Variants in ZNF469 observed in about 807,000 individuals in gnomAD.
ZNF469 encodes the protein zinc finger protein 469.
In ZNF469, 1 loss-of-function variant was observed where a neutral mutation model predicts 1.0. The observed-to-expected ratio is 1.00, with a 90% CI of 0.35 to 4.73. The LOEUF (loss-of-function observed/expected upper bound fraction) is 4.73. Among genes scored for constraint, ZNF469 ranks in the 30% most tolerant of loss-of-function variants. ZNF469 has a pLI of 0.16. For synonymous variants in ZNF469, 2,703 were observed against 2,363.4 expected, an observed-to-expected ratio of 1.14 and a Z score of -4.17; for missense variants, 6,100 against 5,356.3, an observed-to-expected ratio of 1.14 and a Z score of -4.33.
At chr16:88,282,102 C>G in the ZNF469 span, among the ~76,000 whole-genome samples, 9 of 152,152 alleles carry the variant, frequency 5.9e-5, no homozygotes, top group Non-Finnish European at 1.2e-4. Flanking sequence ...GTAGGGTAGT[C>G]CATGGCAGAT....
At chr16:88,369,425 C>T in the ZNF469 span, among the ~76,000 whole-genome samples, 1 of 152,230 alleles carries the variant, frequency 6.6e-6, no homozygotes, top group Non-Finnish European at 1.5e-5. Context: ...AGGCTGGGGT[C>T]TGTGTGGCCT....
chr16:88,108,973 C>T, the ZNF469 span, among the ~76,000 whole-genome samples: 1 of 152,206 alleles, frequency 6.6e-6, no homozygotes, highest in Non-Finnish European at 1.5e-5. Context: ...AGCCAAGTCA[C>T]GCCACATTCA....
At chr16:88,298,790 A>G in the ZNF469 span, among the ~76,000 whole-genome samples, 1 of 152,162 alleles carries the variant, frequency 6.6e-6, no homozygotes, top group African/African-American at 2.4e-5. Context: ...CCATCCTTAA[A>G]TAGATAGGTC....
At position 88,435,281 on chromosome 16, in the gene ZNF469, C is replaced by A. The variant is rs1567515052; in HGVS notation, c.7811C>A (p.Pro2604His). The change falls in exon 3 of 3, where the codon CCC (proline) becomes CAC (histidine). Residue 2604 changes from proline (P) to histidine (H), a missense_variant. Coordinates refer to ENST00000565624, the MANE Select transcript of ZNF469 (RefSeq NM_001367624.2). The stretch of plus-strand genomic sequence containing the variant: ...CAGGCCAGGGAAGATGAGCTGCATC[C>A]CAAACAGGCAGAAAAAAGAGAAGGC... ...PDQAREDELHPKQAEKREGRR... is the reference protein window; with the variant it reads ...PDQAREDELHHKQAEKREGRR... 1 of 1,550,382 alleles carries A rather than the reference C, an allele frequency of 6.5e-7. No individual in the cohort carries two copies. The highest frequency in any genetic ancestry group is 8.7e-7 in the Non-Finnish European group (1 of 1,146,988).
the ZNF469 span, among the ~76,000 whole-genome samples, chr16:88,305,019 A>G: frequency 1.3e-5 from 2 of 152,122 alleles, no homozygotes; most frequent in Non-Finnish European, 2.9e-5. Flanking sequence ...GCCTACTGGA[A>G]GCTAGAGCAG....
At chr16:88,291,724 G>A in the ZNF469 span, among the ~76,000 whole-genome samples, 2 of 152,168 alleles carry the variant, frequency 1.3e-5, no homozygotes, top group Admixed American at 6.5e-5. Context: ...TGGTGGTCTC[G>A]GTGAATATCA....
chr16:88,253,675 T>A, the ZNF469 span, among the ~76,000 whole-genome samples: 1 of 151,526 alleles, frequency 6.6e-6, no homozygotes, highest in East Asian at 1.9e-4. Flanking sequence ...GTAGCTGGGA[T>A]CACAGGCGCC....
the ZNF469 span, among the ~76,000 whole-genome samples, chr16:88,327,839 C>T: frequency 7.2e-5 from 11 of 152,192 alleles, no homozygotes; most frequent in African/African-American, 2.4e-4. Flanking sequence ...GAAAACCGGC[C>T]GGATCCCGAG....
At chr16:88,270,885 T>A in the ZNF469 span, among the ~76,000 whole-genome samples, 5 of 152,250 alleles carry the variant, frequency 3.3e-5, no homozygotes, top group African/African-American at 9.6e-5. Context: ...CTATCATTTA[T>A]TCATTCATTC....
chr16:88,357,433 G>C, the ZNF469 span, among the ~76,000 whole-genome samples: 1 of 152,292 alleles, frequency 6.6e-6, no homozygotes, highest in East Asian at 1.9e-4. Flanking sequence ...ATGGACATGG[G>C]AAGTGTAGGT....
At chr16:88,360,221 C>T in the ZNF469 span, among the ~76,000 whole-genome samples, 6 of 149,700 alleles carry the variant, frequency 4.0e-5, no homozygotes, top group East Asian at 3.9e-4. Flanking sequence ...GGTTTCTCCA[C>T]GTTGGCCAGG....
chr16:88,306,623 A>C, the ZNF469 span, among the ~76,000 whole-genome samples: 1 of 152,154 alleles, frequency 6.6e-6, no homozygotes, highest in Non-Finnish European at 1.5e-5. Context: ...CTGAAGCCCC[A>C]TGACTGCCCG....
chr16:88,240,363 T>G, the ZNF469 span, among the ~76,000 whole-genome samples: 1 of 151,880 alleles, frequency 6.6e-6, no homozygotes, highest in East Asian at 1.9e-4. Flanking sequence ...AGGGAGGGAA[T>G]GAGAGAGGCA....
chr16:88,257,508 G>A, the ZNF469 span, among the ~76,000 whole-genome samples: 8 of 152,270 alleles, frequency 5.3e-5, no homozygotes, highest in Admixed American at 2.0e-4. Flanking sequence ...AGAAGTTTTC[G>A]TTTTAATGAA....
Position 88,435,856 on chromosome 16 carries a change from C to G in ZNF469, c.8386C>G (p.Pro2796Ala). The change falls in exon 3 of 3, where the codon CCC becomes GCC. Residue 2796 changes from proline (P) to alanine (A), a missense_variant. Transcript: ENST00000565624. ...AGGTGTCTGGGAGGAGAACACGCCCCCCTTGGGCCCCCTGGGTTTTCCCGA... is the reference window on the plus strand; with the variant it reads ...AGGTGTCTGGGAGGAGAACACGCCCGCCTTGGGCCCCCTGGGTTTTCCCGA... ...EEGVWEENTP[P>A]LGPLGFPETS... is the part of the protein sequence containing the mutation. The G allele has an allele frequency of 6.5e-7, 1 of 1,550,340 alleles. No individual in the cohort carries two copies. The highest frequency in any genetic ancestry group is 2.4e-5 in the East Asian group (1 of 40,924).
chr16:88,221,319 T>C, the ZNF469 span, among the ~76,000 whole-genome samples: 10 of 152,318 alleles, frequency 6.6e-5, no homozygotes, highest in South Asian at 1.9e-3. Flanking sequence ...TCGAGCGAGA[T>C]AGCGCAGAGG....
the ZNF469 span, among the ~76,000 whole-genome samples, chr16:88,272,807 C>T: frequency 0.27 from 37,812 of 140,338 alleles, 5,142 homozygotes; most frequent in East Asian, 0.34. Context: ...TGTGGATAGA[C>T]GAGTGGGCAG....
the ZNF469 span, among the ~76,000 whole-genome samples, chr16:88,300,759 C>T: frequency 2.6e-5 from 4 of 152,116 alleles, no homozygotes; most frequent in Non-Finnish European, 5.9e-5. Context: ...TCTAAGAGCC[C>T]GTTCTCAGAG....
chr16:88,246,557 C>G, the ZNF469 span, among the ~76,000 whole-genome samples: 26 of 152,350 alleles, frequency 1.7e-4, 1 homozygote, highest in Admixed American at 1.5e-3. Context: ...TCGCCAAGAG[C>G]GCTTGCTAAA....
Sources: allele counts gnomAD v4.1 joint callset (sites outside exome capture counted in the v4.1 genomes callset), GRCh38; gene constraint gnomAD v4.1.1; transcripts MANE v1.5; gene names NCBI Gene and HGNC (gene_info 2026-07-23, HGNC 2026-07-21).